EIF3M: variants seen among roughly 807,000 people sequenced by gnomAD.
EIF3M encodes the protein eukaryotic translation initiation factor 3 subunit M, also known as B5 receptor.
EIF3M carries 25 observed loss-of-function variants against 49.7 expected under a neutral mutation model. The ratio of observed to expected loss-of-function variants is 0.50; its 90% CI spans 0.37 to 0.70. EIF3M has a LOEUF of 0.70. Among genes scored for constraint, EIF3M ranks in the 30% least tolerant of loss-of-function variants. The pLI is 0.00. For synonymous variants in EIF3M, 156 were observed against 149.8 expected (o/e 1.04, Z -0.30); for missense variants, 350 against 440.0 (o/e 0.80, Z 1.83).
Position 32,589,107 on chromosome 11 carries a change from T to C in EIF3M, c.410T>C (p.Ile137Thr), listed in dbSNP as rs1477703138. 3 of 1,614,208 alleles carry C rather than the reference T, an allele frequency of 1.9e-6. No individual in the cohort carries two copies. Among genetic ancestry groups the C allele is most frequent in the East Asian group, 2.2e-5 (1 of 44,880 alleles). Residue 137 changes from isoleucine to threonine, a missense_variant, in exon 4 of 11, where the codon ATC becomes ACC. Coordinates refer to ENST00000531120, the MANE Select transcript of EIF3M (RefSeq NM_006360.6). ...LIKVAASCGA[I>T]QYIPTELDQV... ...AAAGTGGCAGCATCTTGTGGGGCCA[T>C]CCAGTACATCCCAACTGAGCTGGAT...
chr11:32,593,292 C>T (rs1412322715), intron 5 of EIF3M, among the ~76,000 whole-genome samples: 1 of 152,064 alleles, frequency 6.6e-6, no homozygotes, highest in East Asian at 1.9e-4. Flanking sequence ...TTTATTTTGC[C>T]CTATTTACTC....
At chr11:32,589,524 C>T in intron 4 of EIF3M, 23 bp from the exon 5 acceptor site, 2 of 1,598,128 alleles carry the variant, frequency 1.3e-6, no homozygotes, top group Non-Finnish European at 1.7e-6. Flanking sequence ...ACTCAGTTTT[C>T]TCCTTTTGTC....
At chr11:32,589,199 G>A (rs867775948) in intron 4 of EIF3M, 64 bp downstream of exon 4, 31 of 1,574,108 alleles carry the variant, frequency 2.0e-5, no homozygotes, top group African/African-American at 4.2e-5. Context: ...TTTTTGAGAC[G>A]GAGTTTCACT....
chr11:32,585,855 G>T (rs552994021), intron 1 of EIF3M, among the ~76,000 whole-genome samples: 26 of 144,010 alleles, frequency 1.8e-4, no homozygotes, highest in Non-Finnish European at 3.2e-4. Context: ...TTTTTTTTTT[G>T]GCTTGGTCTA....
At chr11:32,596,904 C>CA (rs1296967901) in intron 8 of EIF3M, among the ~76,000 whole-genome samples, 6 of 150,470 alleles carry the variant, frequency 4.0e-5, no homozygotes, top group Non-Finnish European at 7.4e-5. Context: ...GGCTCCATCT[C>CA]AAAAAACAAA....
chr11:32,592,620 T>C, intron 5 of EIF3M: 1 of 521,034 alleles, frequency 1.9e-6, no homozygotes, highest in South Asian at 1.5e-5. Flanking sequence ...TGTGGAACAT[T>C]TTGTTTGGGG....
intron 5 of EIF3M, chr11:32,591,932 G>A (rs1012591682): frequency 4.5e-5 from 12 of 267,842 alleles, no homozygotes; most frequent in East Asian, 3.9e-4. Context: ...CACCACCACC[G>A]TAATTACCAC....
At chr11:32,591,855 C>A in intron 5 of EIF3M, 2 of 242,230 alleles carry the variant, frequency 8.3e-6, no homozygotes, top group Admixed American at 4.0e-5. Context: ...AAACTGCCCC[C>A]TTTCATGCAT....
Position 32,603,708 on chromosome 11 carries a change from T to C in EIF3M, c.*1309T>C, listed in dbSNP as rs1370270320. On this transcript the variant is annotated 3_prime_UTR_variant, in exon 11 of 11. Transcript: ENST00000531120. ...GTTTCCAGTTTATCCCTACCAAAAA[T>C]TAATTCGAGTTAATTTCATGCAAAA... 1 of 152,218 alleles carries C rather than the reference T, an allele frequency of 6.6e-6. No homozygotes were observed. The highest frequency in any genetic ancestry group is 2.4e-5 in the African/African-American group (1 of 41,462). The allele number at this position is 152,218 out of a possible 1,614,324, so 9.4% of individuals were successfully genotyped here.
chr11:32,596,082 G>T (rs768040160), intron 8 of EIF3M, 35 bp downstream of exon 8: 1 of 1,462,820 alleles, frequency 6.8e-7, no homozygotes, highest in South Asian at 1.3e-5. Context: ...AGGCACAGAG[G>T]TGGGAACATG....
intron 9 of EIF3M, 64 bp from the exon 10 acceptor site, chr11:32,601,698 A>AT: frequency 6.8e-7 from 1 of 1,477,470 alleles, no homozygotes; most frequent in Non-Finnish European, 9.3e-7. Flanking sequence ...CACAGTTTTC[A>AT]TACCTTAGCT....
At chr11:32,584,531 C>G (rs1565044905) in intron 1 of EIF3M, among the ~76,000 whole-genome samples, 1 of 136,334 alleles carries the variant, frequency 7.3e-6, no homozygotes, top group Non-Finnish European at 1.5e-5. Flanking sequence ...TCGCTTGAAC[C>G]CGCGAGGCGG....
chr11:32,585,805 A>G (rs115817765), intron 1 of EIF3M, among the ~76,000 whole-genome samples: 2,276 of 151,498 alleles, frequency 0.015, 59 homozygotes, highest in African/African-American at 0.052. Context: ...GAGGCAACTA[A>G]ATATACTTGG....
Position 32,601,781 on chromosome 11 carries a change from C to T in EIF3M, c.963C>T (p.Val321=), listed in dbSNP as rs1246678713. ...FVIDAVRTKM[V]YCKIDQTQRK... ...TTTCAGCCGTAAGAACTAAAATGGTCTACTGCAAAATTGATCAGACCCAGA... is the reference window on the plus strand; with the variant it reads ...TTTCAGCCGTAAGAACTAAAATGGTTTACTGCAAAATTGATCAGACCCAGA... Residue 321 remains valine, a synonymous_variant, in exon 10 of 11, where the codon GTC becomes GTT. Transcript: ENST00000531120. The T allele has an allele frequency of 1.2e-6, 2 of 1,612,554 alleles. No homozygotes were observed. Among genetic ancestry groups the T allele is most frequent in the Non-Finnish European group, 1.7e-6 (2 of 1,179,062 alleles).
At chr11:32,593,663 C>CATA (rs1309316943) in intron 5 of EIF3M, 11 of 368,640 alleles carry the variant, frequency 3.0e-5, no homozygotes, top group Non-Finnish European at 5.3e-5. Context: ...TTATTTCCTT[C>CATA]ATAGCACTTA....
chr11:32,600,244 G>GA (rs201235773), intron 8 of EIF3M, among the ~76,000 whole-genome samples: 1,590 of 151,908 alleles, frequency 0.01, 27 homozygotes, highest in African/African-American at 0.035. Flanking sequence ...TAGTAACACA[G>GA]AAAAAACTAA....
At chr11:32,591,991 C>G (rs1855109883) in intron 5 of EIF3M, 1 of 257,412 alleles carries the variant, frequency 3.9e-6, no homozygotes, top group Non-Finnish European at 7.7e-6. Flanking sequence ...CCACTGCTGC[C>G]ACCATATCTA....
At chr11:32,593,392 T>C (rs1855130954) in intron 5 of EIF3M, among the ~76,000 whole-genome samples, 1 of 152,218 alleles carries the variant, frequency 6.6e-6, no homozygotes, top group African/African-American at 2.4e-5. Context: ...TTGTCTCAAC[T>C]TCAGCCATAC....
chr11:32,583,844 C>T lies in EIF3M; in HGVS notation c.-44C>T, dbSNP rs1170862784. ...CGGCCCAGTTCCCTTTTCCGGTCGG[C>T]GTGGTCTTGCGAGTGGAGTGTCCGC... On this transcript the variant is annotated 5_prime_UTR_variant, in exon 1 of 11. Coordinates refer to ENST00000531120, the MANE Select transcript of EIF3M (RefSeq NM_006360.6). The T allele has an allele frequency of 4.4e-6, 7 of 1,602,768 alleles. No individual in the cohort carries two copies. The highest frequency in any genetic ancestry group is 6.0e-6 in the Non-Finnish European group (7 of 1,172,284).
Sources: gnomAD v4.1 joint callset for allele counts (sites outside exome capture counted in the v4.1 genomes callset) on GRCh38, gnomAD v4.1.1 for gene constraint, MANE v1.5 for transcripts, NCBI Gene and HGNC (gene_info 2026-07-23, HGNC 2026-07-21) for gene names.